PAPPA2: variants seen among roughly 807,000 people sequenced by gnomAD.
The protein encoded by PAPPA2 is pappalysin 2.
PAPPA2 carries 86 observed loss-of-function variants against 176.4 expected under a neutral mutation model. The ratio of observed to expected loss-of-function variants is 0.49; its 90% CI spans 0.41 to 0.58. The LOEUF is 0.58. Among genes scored for constraint, PAPPA2 ranks in the 20% least tolerant of loss-of-function variants. The pLI, the probability that PAPPA2 is intolerant of heterozygous loss-of-function variation, is 0.00. For missense variants in PAPPA2, 2,073 were observed against 2,256.9 expected (o/e 0.92, Z 1.65); for synonymous variants, 809 against 852.2 (o/e 0.95, Z 0.88).
chr1:176,693,254 C>T (rs927611567), intron 6 of PAPPA2, among the ~76,000 whole-genome samples: 1 of 152,330 alleles, frequency 6.6e-6, no homozygotes, highest in Admixed American at 6.5e-5. Context: ...AGGTATTTTA[C>T]TTGCACTTGT....
intron 14 of PAPPA2, among the ~76,000 whole-genome samples, chr1:176,763,168 G>C (rs923774434): frequency 4.6e-5 from 7 of 152,144 alleles, no homozygotes; most frequent in South Asian, 2.1e-4. Context: ...TGATAAAGTA[G>C]TTGACCACTA....
chr1:176,680,948 T>C lies in PAPPA2; in HGVS notation c.2138-9189T>C, dbSNP rs1164605858. 3.9e-5 allele frequency among the ~76,000 whole-genome samples: 6 copies of C among 152,148 alleles called. No individual in the cohort carries two copies. The East Asian group carries it at 1.2e-3, about 29-fold the overall frequency. On this transcript the variant is annotated intron_variant, in intron 4 of 22. Coordinates refer to ENST00000367662, the MANE Select transcript of PAPPA2 (RefSeq NM_020318.3). Reference sequence around the variant, plus strand: ...GAGATGGGGAAAAGAGGAGTTCTGTTTGATTGACTGAGTGGATGGTGGTGC... The same window carrying C: ...GAGATGGGGAAAAGAGGAGTTCTGTCTGATTGACTGAGTGGATGGTGGTGC...
intron 21 of PAPPA2, among the ~76,000 whole-genome samples, chr1:176,823,838 T>C (rs185183060): frequency 2.0e-5 from 3 of 152,146 alleles, no homozygotes; most frequent in African/African-American, 7.2e-5. Flanking sequence ...ATTAAGAATC[T>C]CTGTAAGAGA....
At chr1:176,567,182 A>G (rs1475314807) in intron 2 of PAPPA2, among the ~76,000 whole-genome samples, 2 of 152,202 alleles carry the variant, frequency 1.3e-5, no homozygotes, top group South Asian at 2.1e-4. Flanking sequence ...TGGATTTTTT[A>G]AAGAGAACAT....
At position 176,702,682 on chromosome 1, in the gene PAPPA2, T is replaced by G; in HGVS notation, c.3312T>G (p.Pro1104=). ...GAGGAGAACTGGGAGAAGCTTCGCC[T>G]CCTCTGAACCACATTCATGGAGCTC... The part of the protein sequence containing the change: ...EAGGELGEAS[P]PLNHIHGAPY... Residue 1104 remains proline (P), a synonymous_variant, in exon 9 of 23, where the codon CCT becomes CCG. Transcript: ENST00000367662. 6.2e-7 allele frequency: 1 copy of G among 1,613,248 alleles called. No individual in the cohort carries two copies. Among genetic ancestry groups the G allele is most frequent in the Non-Finnish European group, 8.5e-7 (1 of 1,179,766 alleles).
intron 12 of PAPPA2, among the ~76,000 whole-genome samples, chr1:176,737,012 A>G (rs575190598): frequency 1.6e-4 from 25 of 152,026 alleles, no homozygotes; most frequent in Non-Finnish European, 2.9e-4. Context: ...ATACAAATAT[A>G]TGTTTAGTTT....
At chr1:176,549,384 A>C (rs1484740510) in intron 1 of PAPPA2, among the ~76,000 whole-genome samples, 1 of 152,232 alleles carries the variant, frequency 6.6e-6, no homozygotes, top group Admixed American at 6.5e-5. Context: ...TCTTTTATAA[A>C]TGAGAAGATA....
intron 1 of PAPPA2, among the ~76,000 whole-genome samples, chr1:176,513,348 T>C (rs977315290): frequency 2.0e-5 from 3 of 152,136 alleles, no homozygotes; most frequent in Non-Finnish European, 4.4e-5. Context: ...TTTTTCTTTA[T>C]TTTTTCTTTC....
At position 176,816,253 on chromosome 1, in the gene PAPPA2, A is replaced by ATATATATATG. The variant is rs1553209488; in HGVS notation, c.5202+16124_5202+16125insATATATGTAT. ...TGTGTGTGTGTGTGTATATATATATATATGTATGTATGTACACACGTATAT... is the reference window on the plus strand; with the variant it reads ...TGTGTGTGTGTGTGTATATATATATATATATATATGTATGTATGTATGTACACACGTATAT... On this transcript the variant is annotated intron_variant, in intron 21 of 22. Transcript: ENST00000367662. Among the ~76,000 whole-genome samples, 162 of 138,136 alleles carry ATATATATATG rather than the reference A, an allele frequency of 1.2e-3. 2 individuals are homozygous for ATATATATATG. The highest frequency in any genetic ancestry group is 2.1e-3 in the African/African-American group (75 of 35,252). 90.6% of individuals were successfully genotyped at this position (138,136 alleles called of 152,430 possible).
intron 3 of PAPPA2, among the ~76,000 whole-genome samples, chr1:176,623,016 A>C (rs1389020555): frequency 6.6e-6 from 1 of 152,138 alleles, no homozygotes; most frequent in Non-Finnish European, 1.5e-5. Context: ...AATCTCATTC[A>C]TAAGGGTGGT....
intron 1 of PAPPA2, among the ~76,000 whole-genome samples, chr1:176,534,156 G>A (rs1032124869): frequency 7.9e-5 from 12 of 152,220 alleles, no homozygotes; most frequent in African/African-American, 2.4e-4. Context: ...CTGGAGAACC[G>A]TACCCACAGG....
intron 17 of PAPPA2, among the ~76,000 whole-genome samples, chr1:176,778,803 G>A (rs551240790): frequency 9.2e-5 from 14 of 152,094 alleles, no homozygotes; most frequent in Non-Finnish European, 2.1e-4. Flanking sequence ...ATAAGACCTT[G>A]CCTGGCTTTA....
chr1:176,481,413 A>G (rs1421275997), intron 1 of PAPPA2, among the ~76,000 whole-genome samples: 2 of 151,540 alleles, frequency 1.3e-5, no homozygotes, highest in African/African-American at 2.4e-5. Context: ...TAGTCTGTCT[A>G]CCTCACAAAG....
At chr1:176,497,425 A>C (rs1385863032) in intron 1 of PAPPA2, among the ~76,000 whole-genome samples, 2 of 152,140 alleles carry the variant, frequency 1.3e-5, no homozygotes, top group Non-Finnish European at 2.9e-5. Context: ...AATATAAATA[A>C]ATTATAAAGA....
At chr1:176,769,891 C>A in intron 16 of PAPPA2, 107 bp downstream of exon 16, 1 of 1,193,570 alleles carries the variant, frequency 8.4e-7, no homozygotes, top group Non-Finnish European at 1.2e-6. Context: ...CTATTTGCTC[C>A]ACTGTGTCAC....
intron 3 of PAPPA2, among the ~76,000 whole-genome samples, chr1:176,665,589 T>A (rs1283857692): frequency 6.6e-6 from 1 of 151,848 alleles, no homozygotes; most frequent in Non-Finnish European, 1.5e-5. Context: ...GATTTACAAA[T>A]TTTTTTTATG....
In PAPPA2 at chr1:176,568,412, G is replaced by A. The variant is rs138125976; in HGVS notation, c.919+11171G>A. 3.0e-3 allele frequency among the ~76,000 whole-genome samples: 450 copies of A among 152,288 alleles called. 2 individuals are homozygous for A. Among genetic ancestry groups the A allele is most frequent in the Non-Finnish European group, 4.9e-3 (333 of 68,016 alleles). On this transcript the variant is annotated intron_variant, in intron 2 of 22. Transcript: ENST00000367662. Reference sequence around the variant, plus strand: ...CCAAGGACAACTCAAGGAAGAAGATGGAGAAACCAGAGCACAGAGAGAAAT... The same window carrying A: ...CCAAGGACAACTCAAGGAAGAAGATAGAGAAACCAGAGCACAGAGAGAAAT...
rs373929275 is a variant in PAPPA2, at chr1:176,691,974, C to G, written c.2432-152C>G. On this transcript the variant is annotated intron_variant, in intron 5 of 22. Transcript: ENST00000367662. ...TTTCCAGCTTAGACCCTTTCTGGAA[C>G]AGATTGCATTTGTTCATTCATTCAA... 4.9e-4 allele frequency: 345 copies of G among 710,690 alleles called. 2 individuals carry two copies. The South Asian group carries it at 6.4e-3, about 13-fold the overall frequency. The allele number at this position is 710,690 out of a possible 1,614,324, so 44.0% of individuals were successfully genotyped here.
chr1:176,759,067 T>G (rs940288807), intron 14 of PAPPA2, among the ~76,000 whole-genome samples: 2 of 152,218 alleles, frequency 1.3e-5, no homozygotes, highest in Non-Finnish European at 2.9e-5. Flanking sequence ...TTCATCACAT[T>G]GTATTGTTTC....
Sources: allele counts gnomAD v4.1 joint callset (sites outside exome capture counted in the v4.1 genomes callset), GRCh38; gene constraint gnomAD v4.1.1; transcripts MANE v1.5; gene names NCBI Gene and HGNC (gene_info 2026-07-23, HGNC 2026-07-21).